Variants in FEV observed in about 807,000 individuals in gnomAD.
FEV encodes protein FEV.
In FEV, 14 loss-of-function variants were observed where a neutral mutation model predicts 20.5. The observed-to-expected ratio is 0.68, with a 90% CI of 0.45 to 1.07. FEV has a LOEUF of 1.07. Among genes scored for constraint, FEV ranks in the 50% least tolerant of loss-of-function variants. FEV has a pLI of 0.00. For missense variants in FEV, 301 were observed against 345.3 expected (o/e 0.87, Z 1.02); for synonymous variants, 188 against 163.7 (o/e 1.15, Z -1.13).
Position 218,984,915 on chromosome 2 carries a change from C to T in FEV, c.52+109G>A, listed in dbSNP as rs962463183. On this transcript the variant is annotated intron_variant, in intron 1 of 2. Transcript: ENST00000295727. This position sits in a 1 kb window ranked among gnomAD's most constrained non-coding sequence, Gnocchi z 5.0. ...AATCGGCCCTCCATGCAACCCGAAT[C>T]TCCGGACACTTCTCCTTCCCCTGGA... is the stretch of plus-strand genomic sequence containing the variant. 9.7e-6 allele frequency: 10 copies of T among 1,034,398 alleles called. No individual in the cohort carries two copies. The highest frequency in any genetic ancestry group is 2.0e-5 in the Admixed American group (1 of 49,044). 64.1% of individuals were successfully genotyped at this position (1,034,398 alleles called of 1,614,324 possible).
At chr2:218,982,445 C>T (rs1945399812) in intron 2 of FEV, among the ~76,000 whole-genome samples, 189 bp from the exon 3 acceptor site, 1 of 150,710 alleles carries the variant, frequency 6.6e-6, no homozygotes, top group African/African-American at 2.5e-5. Context: ...TGGTGTGTAG[C>T]CTTACCGCGC....
intron 2 of FEV, 131 bp from the exon 3 acceptor site, chr2:218,982,387 G>C (rs1945399042): frequency 2.4e-6 from 2 of 824,382 alleles, no homozygotes; most frequent in African/African-American, 1.7e-5. Flanking sequence ...TCAAACTGCA[G>C]CTGCGTTCGG....
chr2:218,984,460 C>T lies in FEV; in HGVS notation c.53-155G>A. 1.5e-6 allele frequency: 1 copy of T among 648,482 alleles called. No homozygotes were observed. Among genetic ancestry groups the T allele is most frequent in the African/African-American group, 1.8e-5 (1 of 54,134 alleles). 40.2% of individuals were successfully genotyped at this position (648,482 alleles called of 1,614,324 possible). On this transcript the variant is annotated intron_variant, in intron 1 of 2. Transcript: ENST00000295727. This position sits in a 1 kb window ranked among gnomAD's most constrained non-coding sequence, Gnocchi z 5.0. ...CCGGCTCCTCCTCCCGGAGCCTGGTCCAGGCGCGCTGCGCGGAGCCCCTCC... is the reference window on the plus strand; with the variant it reads ...CCGGCTCCTCCTCCCGGAGCCTGGTTCAGGCGCGCTGCGCGGAGCCCCTCC...
chr2:218,982,962 C>T (rs754084241), intron 2 of FEV, among the ~76,000 whole-genome samples: 6 of 152,216 alleles, frequency 3.9e-5, no homozygotes, highest in Non-Finnish European at 8.8e-5. Flanking sequence ...TAGCCACCTT[C>T]GGGTGCGCAG....
Position 218,981,774 on chromosome 2 carries a change from C to T in FEV, c.610G>A (p.Ala204Thr). The T allele has an allele frequency of 2.4e-6, 3 of 1,266,114 alleles. No homozygotes were observed. Among genetic ancestry groups the T allele is most frequent in the Non-Finnish European group, 3.0e-6 (3 of 1,012,932 alleles). 78.4% of individuals were successfully genotyped at this position (1,266,114 alleles called of 1,614,324 possible). Residue 204 changes from alanine to threonine, a missense_variant, in exon 3 of 3, where the codon GCT (alanine) becomes ACT (threonine). Physicochemically the swap from Ala to Thr is moderately conservative, Grantham distance 58. Coordinates refer to ENST00000295727, the MANE Select transcript of FEV (RefSeq NM_017521.3). This position sits in a 1 kb window ranked among gnomAD's most constrained non-coding sequence, Gnocchi z 4.5. ...YWPGPGPAATAAAATAALYPS... is the reference protein window; with the variant it reads ...YWPGPGPAATTAAATAALYPS... Reference sequence around the variant, plus strand: ...TAGAGCGCGGCGGTGGCGGCGGCAGCGGTGGCGGCGGGGCCCGGGCCCGGC... The same window carrying T: ...TAGAGCGCGGCGGTGGCGGCGGCAGTGGTGGCGGCGGGGCCCGGGCCCGGC...
intron 2 of FEV, 22 bp from the exon 3 acceptor site, chr2:218,982,278 G>T (rs1464209756): frequency 6.5e-7 from 1 of 1,545,134 alleles, no homozygotes; most frequent in Admixed American, 1.9e-5. Flanking sequence ...GGGGCGGTCA[G>T]CCACAGGCGG....
chr2:218,982,244 A>T lies in FEV; in HGVS notation c.140T>A (p.Ile47Asn), dbSNP rs776776811. The change falls in exon 3 of 3, where the codon ATC (isoleucine) becomes AAC (asparagine). Residue 47 changes from isoleucine (I) to asparagine (N), a missense_variant. Transcript: ENST00000295727. ...SPAVQKGSGQ[I>N]QLWQFLLELL... ...CTCCAGCAGAAACTGCCACAGCTGG[A>T]TCTGTCCGCTGCCTGTGGGGAGGGG... is the stretch of plus-strand genomic sequence containing the variant. 6.9e-6 allele frequency: 11 copies of T among 1,592,356 alleles called. No homozygotes were observed. The highest frequency in any genetic ancestry group is 2.7e-5 in the African/African-American group (2 of 74,622).
chr2:218,984,371 C>T lies in FEV; in HGVS notation c.53-66G>A. 6.7e-7 allele frequency: 1 copy of T among 1,482,330 alleles called. No individual in the cohort carries two copies. The highest frequency in any genetic ancestry group is 9.2e-7 in the Non-Finnish European group (1 of 1,090,972). 91.8% of individuals were successfully genotyped at this position (1,482,330 alleles called of 1,614,324 possible). A position where few individuals can be genotyped will look rare whatever the true frequency, so the allele number is the denominator to read the frequency against. ...GGAAGTTGTGGGCTTGACAAAAGGG[C>T]CCCGGGCCAAGGCTTAAGGGGGGTG... is the stretch of plus-strand genomic sequence containing the variant. On this transcript the variant is annotated intron_variant, in intron 1 of 2. Coordinates refer to ENST00000295727, the MANE Select transcript of FEV (RefSeq NM_017521.3). The surrounding 1 kb of genome is among the most constrained non-coding windows in gnomAD (Gnocchi z 5.0).
At chr2:218,983,096 A>C (rs973504039) in intron 2 of FEV, among the ~76,000 whole-genome samples, 1 of 152,158 alleles carries the variant, frequency 6.6e-6, no homozygotes, top group East Asian at 1.9e-4. Flanking sequence ...CGGACCGAGC[A>C]GCTGTTGTGC....
chr2:218,984,194 A>G lies in FEV; in HGVS notation c.127+37T>C, dbSNP rs1211553902. On this transcript the variant is annotated intron_variant, in intron 2 of 2. Transcript: ENST00000295727. This position sits in a 1 kb window ranked among gnomAD's most constrained non-coding sequence, Gnocchi z 5.0. The stretch of plus-strand genomic sequence containing the variant: ...TCCGCCTGTGCCCTGACCCCAACCA[A>G]CCTCGCCTCCGCCGCCCAGCGCGCC... The G allele has an allele frequency of 1.9e-6, 3 of 1,556,224 alleles. No homozygotes were observed. The highest frequency in any genetic ancestry group is 1.4e-5 in the African/African-American group (1 of 73,232).
rs774493524 is a variant in FEV at position 218,982,265 on chromosome 2, A to T, written c.128-9T>A. The T allele has an allele frequency of 1.3e-5, 21 of 1,563,984 alleles. No individual in the cohort carries two copies. The South Asian group carries it at 2.1e-4, about 16-fold the overall frequency. On this transcript the variant is annotated splice_polypyrimidine_tract_variant and intron_variant, in intron 2 of 2. Transcript: ENST00000295727. Reference sequence around the variant, plus strand: ...CTGGATCTGTCCGCTGCCTGTGGGGAGGGGGGCGGTCAGCCACAGGCGGGA... The same window carrying T: ...CTGGATCTGTCCGCTGCCTGTGGGGTGGGGGGCGGTCAGCCACAGGCGGGA...
At chr2:218,985,182 AAGG>A (rs1945429142) in exon 1 of FEV, 4 of 814,428 alleles carry the variant, frequency 4.9e-6, no homozygotes, top group East Asian at 3.0e-5. Context: ...CGCGGGTGAC[AAGG>A]AGGAGAAGAC....
Position 218,984,253 on chromosome 2 carries a change from C to A in FEV, c.105G>T (p.Pro35=). Residue 35 remains proline (P), a synonymous_variant, in exon 2 of 3, where the codon CCG becomes CCT. Coordinates refer to ENST00000295727, the MANE Select transcript of FEV (RefSeq NM_017521.3). This position sits in a 1 kb window ranked among gnomAD's most constrained non-coding sequence, Gnocchi z 5.0. The part of the protein sequence containing the change: ...FKDGKNPSWG[P]LSPAVQKGSG... ...CACCTTTCTGAACCGCGGGGCTCAG[C>A]GGCCCCCAGCTCGGGTTCTTCCCGT... is the stretch of plus-strand genomic sequence containing the variant. 1 of 1,600,102 alleles carries A rather than the reference C, an allele frequency of 6.2e-7. No homozygotes were observed. The highest frequency in any genetic ancestry group is 1.1e-5 in the South Asian group (1 of 88,668).
At position 218,984,301 on chromosome 2, in the gene FEV, G is replaced by C. The variant is rs1945418443; in HGVS notation, c.57C>G (p.Pro19=). The C allele has an allele frequency of 6.3e-7, 1 of 1,593,862 alleles. No individual in the cohort carries two copies. Among genetic ancestry groups the C allele is most frequent in the Non-Finnish European group, 8.5e-7 (1 of 1,170,058 alleles). Residue 19 remains proline (P), a synonymous_variant, in exon 2 of 3, where the codon CCC becomes CCG. Transcript: ENST00000295727. The surrounding 1 kb of genome is among the most constrained non-coding windows in gnomAD (Gnocchi z 5.0). ...PLLINMYLPD[P]VGDGLFKDGK... is the part of the protein sequence containing the mutation. ...CGTCCTTGAAGAGACCGTCTCCGACGGGATCTGCAAGCAGCAGAAGAAAAG... is the reference window on the plus strand; with the variant it reads ...CGTCCTTGAAGAGACCGTCTCCGACCGGATCTGCAAGCAGCAGAAGAAAAG...
rs1326903602 is a variant in FEV at position 218,984,673 on chromosome 2, G to A, written c.52+351C>T. Among the ~76,000 whole-genome samples the A allele has an allele frequency of 6.6e-6, 1 of 152,150 alleles. No homozygotes were observed. The highest frequency in any genetic ancestry group is 1.5e-5 in the Non-Finnish European group (1 of 68,030). Reference sequence around the variant, plus strand: ...AGGTGAGGAGCCGTGAGAGCGCAGGGGAGACGCCCGCGGACCACAGCCTTC... The same window carrying A: ...AGGTGAGGAGCCGTGAGAGCGCAGGAGAGACGCCCGCGGACCACAGCCTTC... On this transcript the variant is annotated intron_variant, in intron 1 of 2. Coordinates refer to ENST00000295727, the MANE Select transcript of FEV (RefSeq NM_017521.3). This position sits in a 1 kb window ranked among gnomAD's most constrained non-coding sequence, Gnocchi z 5.0.
At chr2:218,983,855 GC>G (rs1490921653) in intron 2 of FEV, among the ~76,000 whole-genome samples, 6 of 152,216 alleles carry the variant, frequency 3.9e-5, no homozygotes, top group Admixed American at 3.9e-4. Context: ...TGATTGGGAA[GC>G]CCGCTGTGTT....
rs1263165261 is a variant in FEV, at chr2:218,985,007, C to G, written c.52+17G>C. On this transcript the variant is annotated intron_variant, in intron 1 of 2. Coordinates refer to ENST00000295727, the MANE Select transcript of FEV (RefSeq NM_017521.3). ...CCCAGGTTCCGGTGCCACCAGCCTC[C>G]GGCTGGTCCCTGGTACCTGGCAGGT... The G allele has an allele frequency of 4.1e-5, 64 of 1,550,126 alleles. No individual in the cohort carries two copies. Among genetic ancestry groups the G allele is most frequent in the Non-Finnish European group, 5.5e-5 (63 of 1,145,862 alleles).
intron 2 of FEV, among the ~76,000 whole-genome samples, chr2:218,983,934 G>A (rs1014323224): frequency 6.6e-6 from 1 of 152,204 alleles, no homozygotes; most frequent in Non-Finnish European, 1.5e-5. Flanking sequence ...TACCAGCAGG[G>A]AAAGGACGCT....
rs986975006 is a variant in FEV at position 218,984,321 on chromosome 2, G to A, written c.53-16C>T. 6.3e-7 allele frequency: 1 copy of A among 1,580,230 alleles called. No individual in the cohort carries two copies. The highest frequency in any genetic ancestry group is 1.8e-5 in the Admixed American group (1 of 55,522). On this transcript the variant is annotated splice_polypyrimidine_tract_variant and intron_variant, in intron 1 of 2. Transcript: ENST00000295727. The surrounding 1 kb of genome is among the most constrained non-coding windows in gnomAD (Gnocchi z 5.0). ...CCGACGGGATCTGCAAGCAGCAGAA[G>A]AAAAGAATCAGGAGAACCCCGGGCG...
Sources: allele counts gnomAD v4.1 joint callset (sites outside exome capture counted in the v4.1 genomes callset), GRCh38; gene constraint gnomAD v4.1.1; non-coding constraint Gnocchi (gnomAD v3.1); transcripts MANE v1.5; gene names NCBI Gene and HGNC (gene_info 2026-07-23, HGNC 2026-07-21).